Variants in AFAP1L2 observed in about 807,000 individuals in gnomAD.
AFAP1L2 encodes the protein actin filament-associated protein 1-like 2.
In AFAP1L2, 46 loss-of-function variants were observed where a neutral mutation model predicts 99.3. The observed-to-expected ratio is 0.46, with a 90% CI of 0.37 to 0.59. The LOEUF (loss-of-function observed/expected upper bound fraction) is 0.59, where lower values mean the gene tolerates loss of function less well. Among genes scored for constraint, AFAP1L2 ranks in the 20% least tolerant of loss-of-function variants. AFAP1L2 has a pLI of 0.00. For synonymous variants in AFAP1L2, 397 were observed against 419.1 expected, an observed-to-expected ratio of 0.95 and a Z score of 0.64; for missense variants, 959 against 1,034.9, an observed-to-expected ratio of 0.93 and a Z score of 1.01.
chr10:114,381,614 T>G (rs1358668392), intron 1 of AFAP1L2, among the ~76,000 whole-genome samples: 1 of 152,178 alleles, frequency 6.6e-6, no homozygotes, highest in Non-Finnish European at 1.5e-5. Context: ...TTTTAAAGTA[T>G]AATTCTAGGG....
the AFAP1L2 span, among the ~76,000 whole-genome samples, chr10:114,287,146 G>T: frequency 6.6e-6 from 1 of 152,216 alleles, no homozygotes; most frequent in Non-Finnish European, 1.5e-5. Flanking sequence ...CCACGCAGAG[G>T]CCTGGCCCAT....
intron 1 of AFAP1L2, among the ~76,000 whole-genome samples, chr10:114,381,086 G>A (rs760924328): frequency 3.9e-5 from 6 of 152,148 alleles, no homozygotes; most frequent in African/African-American, 7.2e-5. Flanking sequence ...TTACAGCAGC[G>A]TAGCAGCATT....
intron 8 of AFAP1L2, among the ~76,000 whole-genome samples, chr10:114,309,488 G>A (rs1341279123): frequency 6.6e-6 from 1 of 152,220 alleles, no homozygotes; most frequent in African/African-American, 2.4e-5. Flanking sequence ...TGTTCTGGCT[G>A]TTCTATGTGT....
chr10:114,315,747 C>T lies in AFAP1L2; in HGVS notation c.425G>A (p.Ser142Asn). The T allele has an allele frequency of 6.2e-7, 1 of 1,612,306 alleles. No homozygotes were observed. Among genetic ancestry groups the T allele is most frequent in the Non-Finnish European group, 8.5e-7 (1 of 1,179,598 alleles). Residue 142 changes from serine to asparagine, a missense_variant, in exon 6 of 19, where the codon AGC (serine) becomes AAC (asparagine). Ser to Asn is a conservative substitution (Grantham distance 46). Coordinates refer to ENST00000304129, the MANE Select transcript of AFAP1L2 (RefSeq NM_001001936.3). ...TSLNEDGEAV[S>N]SSYESYDEED... ...TTCATCGTAGGACTCGTAGGAGCTG[C>T]TCACAGCCTCTCCGTCCTCTGCAAG...
chr10:114,293,885 A>G (rs987914573), downstream of AFAP1L2, among the ~76,000 whole-genome samples: 1 of 152,158 alleles, frequency 6.6e-6, no homozygotes, highest in Admixed American at 6.6e-5. Flanking sequence ...ATAATGTTTC[A>G]TGAAGTAGCA....
chr10:114,311,051 G>A (rs989849340), intron 7 of AFAP1L2, among the ~76,000 whole-genome samples: 1 of 142,798 alleles, frequency 7.0e-6, no homozygotes, highest in African/African-American at 2.6e-5. Context: ...GACACAGAAA[G>A]GCTGTGCCTT....
chr10:114,362,360 A>G (rs989168931), intron 1 of AFAP1L2, among the ~76,000 whole-genome samples: 61 of 152,320 alleles, frequency 4.0e-4, no homozygotes, highest in Admixed American at 6.5e-4. Flanking sequence ...AAGGATCTTG[A>G]GATAAGGTTA....
At chr10:114,324,404 C>T (rs113149980) in intron 4 of AFAP1L2, among the ~76,000 whole-genome samples, 3 of 141,522 alleles carry the variant, frequency 2.1e-5, no homozygotes, top group Non-Finnish European at 4.6e-5. Flanking sequence ...CCACCCCCCC[C>T]CCCCCCCCGG....
intron 1 of AFAP1L2, among the ~76,000 whole-genome samples, chr10:114,398,464 T>G (rs1456031224): frequency 1.3e-5 from 2 of 152,214 alleles, no homozygotes; most frequent in Non-Finnish European, 2.9e-5. Flanking sequence ...AGGCAGGAAC[T>G]GGTGGGATCA....
At chr10:114,288,286 C>A in the AFAP1L2 span, among the ~76,000 whole-genome samples, 7,403 of 152,278 alleles carry the variant, frequency 0.049, 271 homozygotes, top group African/African-American at 0.1. Context: ...AAGTCCCCTG[C>A]TTTTCCCTCC....
intron 12 of AFAP1L2, chr10:114,301,975 C>T (rs2134050964): frequency 3.7e-6 from 1 of 269,716 alleles, no homozygotes; most frequent in East Asian, 8.8e-5. Flanking sequence ...ACAGAAGCAC[C>T]ACCCCCTGAC....
At chr10:114,337,139 G>C (rs72826915) in intron 2 of AFAP1L2, among the ~76,000 whole-genome samples, 2,661 of 152,318 alleles carry the variant, frequency 0.017, 43 homozygotes, top group Middle Eastern at 0.044. Context: ...TCTGTCCTGT[G>C]CGACACGACA....
At chr10:114,379,006 G>A (rs1315850394) in intron 1 of AFAP1L2, among the ~76,000 whole-genome samples, 1 of 152,094 alleles carries the variant, frequency 6.6e-6, no homozygotes, top group Non-Finnish European at 1.5e-5. Flanking sequence ...GAGGTCAGGA[G>A]TTCAAACCAA....
At chr10:114,382,933 T>C (rs1293772778) in intron 1 of AFAP1L2, among the ~76,000 whole-genome samples, 1 of 152,128 alleles carries the variant, frequency 6.6e-6, no homozygotes, top group African/African-American at 2.4e-5. Context: ...AGAAAGGACT[T>C]CAAAGGATAC....
intron 1 of AFAP1L2, among the ~76,000 whole-genome samples, chr10:114,346,385 T>C (rs1476298922): frequency 6.6e-6 from 1 of 152,176 alleles, no homozygotes; most frequent in Non-Finnish European, 1.5e-5. Context: ...TCAAGATTTA[T>C]AGATTTGGGT....
intron 1 of AFAP1L2, among the ~76,000 whole-genome samples, chr10:114,358,106 C>A (rs1344414543): frequency 6.6e-6 from 1 of 152,124 alleles, no homozygotes; most frequent in Non-Finnish European, 1.5e-5. Flanking sequence ...ATAAACAAGC[C>A]TCTCTTTTGT....
At chr10:114,391,758 G>A in intron 1 of AFAP1L2, among the ~76,000 whole-genome samples, 2 of 152,302 alleles carry the variant, frequency 1.3e-5, no homozygotes, top group South Asian at 4.1e-4. Flanking sequence ...GTGCTTACCA[G>A]GCAGCCCTGA....
intron 14 of AFAP1L2, 40 bp downstream of exon 14, chr10:114,300,405 C>T: frequency 6.2e-7 from 1 of 1,607,246 alleles, no homozygotes; most frequent in East Asian, 2.2e-5. Context: ...TGAAGGGGCG[C>T]AGGAAGGTGG....
chr10:114,296,479 T>G (rs776502914), intron 18 of AFAP1L2: 5 of 217,540 alleles, frequency 2.3e-5, no homozygotes, highest in Non-Finnish European at 3.7e-5. Context: ...TTAATGATAC[T>G]TTTTTGACTA....
Sources: gnomAD v4.1 joint callset for allele counts (sites outside exome capture counted in the v4.1 genomes callset) on GRCh38, gnomAD v4.1.1 for gene constraint, MANE v1.5 for transcripts, NCBI Gene and HGNC (gene_info 2026-07-23, HGNC 2026-07-21) for gene names.